ARHGAP15: variants seen among roughly 807,000 people sequenced by gnomAD.
ARHGAP15 encodes the protein rho GTPase-activating protein 15.
ARHGAP15 carries 51 observed loss-of-function variants against 63.7 expected under a neutral mutation model. The observed-to-expected ratio is 0.80, with a 90% CI of 0.64 to 1.01. ARHGAP15 has a LOEUF of 1.01. ARHGAP15 is among the 50% of genes least tolerant of loss of function. The pLI, the probability that ARHGAP15 is intolerant of heterozygous loss-of-function variation, is 0.00. For synonymous variants in ARHGAP15, 191 were observed against 193.8 expected, an observed-to-expected ratio of 0.99 and a Z score of 0.12; for missense variants, 560 against 564.6, an observed-to-expected ratio of 0.99 and a Z score of 0.08.
chr2:143,616,912 G>A (rs1490273939), intron 11 of ARHGAP15, among the ~76,000 whole-genome samples: 1 of 152,160 alleles, frequency 6.6e-6, no homozygotes, highest in Non-Finnish European at 1.5e-5. Context: ...TTTTTCCTGA[G>A]GAAGTTTCCA....
chr2:143,635,426 G>A (rs1015917025), intron 12 of ARHGAP15, among the ~76,000 whole-genome samples: 2 of 151,912 alleles, frequency 1.3e-5, no homozygotes, highest in African/African-American at 4.8e-5. Flanking sequence ...CCTACATTCA[G>A]TCAGACATTC....
chr2:143,262,879 A>G (rs949127209), intron 6 of ARHGAP15, among the ~76,000 whole-genome samples: 3 of 152,168 alleles, frequency 2.0e-5, no homozygotes, highest in African/African-American at 7.2e-5. Context: ...TATCTAATTC[A>G]GCAGAGCCAA....
At chr2:143,567,038 G>T (rs1313853983) in intron 11 of ARHGAP15, among the ~76,000 whole-genome samples, 1 of 151,918 alleles carries the variant, frequency 6.6e-6, no homozygotes, top group Non-Finnish European at 1.5e-5. Flanking sequence ...ACCACGCCTG[G>T]CTAATTTTTT....
intron 12 of ARHGAP15, among the ~76,000 whole-genome samples, chr2:143,635,140 G>A (rs1313751575): frequency 7.6e-6 from 1 of 131,448 alleles, no homozygotes; most frequent in Non-Finnish European, 1.6e-5. Context: ...TTGAAAGGTA[G>A]ACTTTTTATT....
intron 2 of ARHGAP15, among the ~76,000 whole-genome samples, chr2:143,190,952 G>A (rs1211429484): frequency 6.6e-6 from 1 of 152,086 alleles, no homozygotes; most frequent in African/African-American, 2.4e-5. Flanking sequence ...TGTATTTTTA[G>A]CAGAGACAGG....
At position 143,551,313 on chromosome 2, in the gene ARHGAP15, G is replaced by A. The variant is rs913356844; in HGVS notation, c.926-5095G>A. On this transcript the variant is annotated intron_variant, in intron 10 of 13. Transcript: ENST00000295095. Reference sequence around the variant, plus strand: ...ACCACAGGCATGCGCCACCATGCCAGGCTAATTTTTAAATTTTGGCGGGGG... The same window carrying A: ...ACCACAGGCATGCGCCACCATGCCAAGCTAATTTTTAAATTTTGGCGGGGG... Among the ~76,000 whole-genome samples the A allele has an allele frequency of 2.6e-5, 4 of 152,062 alleles. No individual in the cohort carries two copies. The South Asian group carries it at 8.3e-4, about 31-fold the overall frequency.
chr2:143,272,294 C>T, intron 6 of ARHGAP15, among the ~76,000 whole-genome samples: 1 of 152,114 alleles, frequency 6.6e-6, no homozygotes, highest in Non-Finnish European at 1.5e-5. Flanking sequence ...CATACTCTTT[C>T]TGCTTTTTCT....
chr2:143,689,645 C>T (rs991727799), intron 12 of ARHGAP15, among the ~76,000 whole-genome samples: 11 of 152,148 alleles, frequency 7.2e-5, no homozygotes, highest in African/African-American at 2.4e-4. Context: ...CATACTTGTT[C>T]TCTTAAGGCA....
At chr2:143,563,407 C>T (rs1696104409) in intron 11 of ARHGAP15, among the ~76,000 whole-genome samples, 1 of 152,144 alleles carries the variant, frequency 6.6e-6, no homozygotes, top group Non-Finnish European at 1.5e-5. Flanking sequence ...TTTGGAAACT[C>T]TTTACTATCC....
chr2:143,642,403 G>C (rs1680647203), intron 12 of ARHGAP15, among the ~76,000 whole-genome samples: 1 of 152,050 alleles, frequency 6.6e-6, no homozygotes, highest in South Asian at 2.1e-4. Context: ...GGTAGATGTT[G>C]ATTCATTATG....
intron 4 of ARHGAP15, among the ~76,000 whole-genome samples, chr2:143,224,230 T>C (rs1217634592): frequency 6.6e-6 from 1 of 152,134 alleles, no homozygotes; most frequent in African/African-American, 2.4e-5. Context: ...AAGTGTTCGA[T>C]AGTTAAGAAA....
chr2:143,295,966 T>A (rs982971324), intron 6 of ARHGAP15, among the ~76,000 whole-genome samples: 19 of 151,992 alleles, frequency 1.3e-4, no homozygotes, highest in African/African-American at 4.6e-4. Context: ...GAAATGTGCC[T>A]CGCTGTCACC....
At chr2:143,304,028 T>C (rs1462601433) in intron 6 of ARHGAP15, among the ~76,000 whole-genome samples, 1 of 152,158 alleles carries the variant, frequency 6.6e-6, no homozygotes, top group Non-Finnish European at 1.5e-5. Flanking sequence ...AGTTCAACCA[T>C]TGTGCAAGAC....
chr2:143,346,236 T>TCACACA (rs1050451199), intron 6 of ARHGAP15, among the ~76,000 whole-genome samples: 1 of 82,548 alleles, frequency 1.2e-5, no homozygotes, highest in African/African-American at 4.9e-5. Flanking sequence ...ACACTCTCTC[T>TCACACA]CACACACACA....
At chr2:143,691,161 T>G (rs759583451) in intron 12 of ARHGAP15, among the ~76,000 whole-genome samples, 1 of 152,188 alleles carries the variant, frequency 6.6e-6, no homozygotes, top group Non-Finnish European at 1.5e-5. Context: ...TGCCATTACA[T>G]ATTGCACATA....
intron 8 of ARHGAP15, among the ~76,000 whole-genome samples, chr2:143,472,708 TGAAGAG>T (rs1184783006): frequency 2.0e-5 from 3 of 151,464 alleles, no homozygotes; most frequent in African/African-American, 7.3e-5. Context: ...GGGGGAATGA[TGAAGAG>T]GAGGAGGAAG....
chr2:143,199,505 G>A (rs780745084), intron 2 of ARHGAP15, among the ~76,000 whole-genome samples: 20 of 152,004 alleles, frequency 1.3e-4, no homozygotes, highest in African/African-American at 3.4e-4. Flanking sequence ...GTGATTCAGC[G>A]CCCAAACTCC....
rs564281814 is a variant in ARHGAP15, at chr2:143,583,107, A to C, written c.1003+26622A>C. On this transcript the variant is annotated intron_variant, in intron 11 of 13. Transcript: ENST00000295095. ...CTGGCCACCCTCCTGATCTTGCTAA[A>C]GGGGCATATAAGTGCCATTGTTAAG... 5.3e-5 allele frequency among the ~76,000 whole-genome samples: 8 copies of C among 152,266 alleles called. No individual in the cohort carries two copies. In the South Asian group the frequency reaches 1.7e-3, roughly 32 times the overall value.
chr2:143,330,125 AAAAAAAC>A (rs1684468593), intron 6 of ARHGAP15, among the ~76,000 whole-genome samples: 1 of 90,272 alleles, frequency 1.1e-5, no homozygotes, highest in Admixed American at 1.3e-4. Context: ...AAAAAAAAAA[AAAAAAAC>A]CAAAAACAAA....
Sources: allele counts gnomAD v4.1 joint callset (sites outside exome capture counted in the v4.1 genomes callset), GRCh38; gene constraint gnomAD v4.1.1; transcripts MANE v1.5; gene names NCBI Gene and HGNC (gene_info 2026-07-23, HGNC 2026-07-21).